PRPF18: variants seen among roughly 807,000 people sequenced by gnomAD.
PRPF18 encodes pre-mRNA processing factor 18, also known as pre-mRNA-splicing factor 18.
PRPF18 carries 38 observed loss-of-function variants against 46.5 expected under a neutral mutation model. That is an observed-to-expected ratio of 0.82 (90% CI 0.63 to 1.07). The LOEUF (loss-of-function observed/expected upper bound fraction) is 1.07. Ranked by LOEUF, PRPF18 falls within the 50% of genes least tolerant of loss-of-function variation. The probability of loss-of-function intolerance (pLI) is 0.00; values close to 1 mark genes in which losing one functional copy is unlikely to be tolerated. For synonymous variants in PRPF18, 152 were observed against 146.7 expected (o/e 1.04, Z -0.26); for missense variants, 263 against 410.0 (o/e 0.64, Z 3.10).
chr10:13,621,905 T>G (rs967219415), intron 9 of PRPF18, among the ~76,000 whole-genome samples: 1 of 152,254 alleles, frequency 6.6e-6, no homozygotes, highest in Admixed American at 6.5e-5. Flanking sequence ...TTGGCATATT[T>G]CATCTATGCT....
At chr10:13,600,749 A>G (rs890943308) in intron 3 of PRPF18, among the ~76,000 whole-genome samples, 6 of 151,988 alleles carry the variant, frequency 3.9e-5, no homozygotes, top group African/African-American at 1.5e-4. Context: ...ATAATTTCCC[A>G]TTGCTTGTTT....
chr10:13,620,977 G>A (rs1283304901), intron 9 of PRPF18, among the ~76,000 whole-genome samples: 1 of 152,190 alleles, frequency 6.6e-6, no homozygotes, highest in Non-Finnish European at 1.5e-5. Context: ...TAGCTTTAAG[G>A]TCTTTGTTCA....
chr10:13,640,536 T>C, the PRPF18 span: 1 of 152,320 alleles, frequency 6.6e-6, no homozygotes, highest in South Asian at 2.1e-4. Flanking sequence ...ACTGATGTTT[T>C]ACCTACACCC....
At chr10:13,614,511 G>A (rs900353798) in intron 8 of PRPF18, among the ~76,000 whole-genome samples, 1 of 152,202 alleles carries the variant, frequency 6.6e-6, no homozygotes, top group African/African-American at 2.4e-5. Context: ...CTGAACTGTT[G>A]CACTGATGGT....
intron 9 of PRPF18, among the ~76,000 whole-genome samples, chr10:13,626,628 T>C (rs565206066): frequency 1.6e-4 from 25 of 152,204 alleles, no homozygotes; most frequent in African/African-American, 5.5e-4. Context: ...TCAGGAGATA[T>C]CACTAATATC....
At chr10:13,623,692 T>TTTGGC (rs2080453709) in intron 9 of PRPF18, among the ~76,000 whole-genome samples, 1 of 152,228 alleles carries the variant, frequency 6.6e-6, no homozygotes, top group East Asian at 1.9e-4. Flanking sequence ...GTGATTGTGG[T>TTTGGC]TTGGTTTGGT....
chr10:13,619,745 C>T (rs2080396880), intron 9 of PRPF18, among the ~76,000 whole-genome samples: 1 of 151,890 alleles, frequency 6.6e-6, no homozygotes, highest in Admixed American at 6.6e-5. Flanking sequence ...CTTGGCCTCT[C>T]TGTTGATGAA....
At position 13,604,116 on chromosome 10, in the gene PRPF18, T is replaced by C. The variant is rs958321683; in HGVS notation, c.250-1515T>C. 2.0e-5 allele frequency among the ~76,000 whole-genome samples: 3 copies of C among 152,210 alleles called. No homozygotes were observed. In the South Asian group the frequency reaches 6.2e-4, roughly 32 times the overall value. ...ATTCCTGCCATTTGTCAGCCAGGGA[T>C]CTGACAAGGGTGTTTGTGAGGTCAT... On this transcript the variant is annotated intron_variant, in intron 3 of 9. Transcript: ENST00000378572.
Sources: gnomAD v4.1 joint callset for allele counts (sites outside exome capture counted in the v4.1 genomes callset) on GRCh38, gnomAD v4.1.1 for gene constraint, MANE v1.5 for transcripts, NCBI Gene and HGNC (gene_info 2026-07-23, HGNC 2026-07-21) for gene names.